Variants in MTSS2 observed in about 807,000 individuals in gnomAD.
The protein encoded by MTSS2 is protein MTSS 2.
In MTSS2, 27 loss-of-function variants were observed where a neutral mutation model predicts 67.1. The ratio of observed to expected loss-of-function variants is 0.40; its 90% CI spans 0.30 to 0.55. The LOEUF is 0.55. MTSS2 is among the 20% of genes least tolerant of loss of function. The probability of loss-of-function intolerance (pLI) is 0.43; values close to 1 mark genes in which losing one functional copy is unlikely to be tolerated. For missense variants in MTSS2, 1,171 were observed against 1,067.8 expected, an observed-to-expected ratio of 1.10 and a Z score of -1.35; for synonymous variants, 624 against 468.6, an observed-to-expected ratio of 1.33 and a Z score of -4.28.
chr16:70,665,033 G>T lies in MTSS2; in HGVS notation c.1192C>A (p.Arg398=). The T allele has an allele frequency of 6.3e-7, 1 of 1,597,178 alleles. No homozygotes were observed. Among genetic ancestry groups the T allele is most frequent in the Non-Finnish European group, 8.5e-7 (1 of 1,179,480 alleles). Residue 398 remains arginine (R), a synonymous_variant, in exon 13 of 15, where the codon CGA becomes AGA. Coordinates refer to ENST00000338779, the MANE Select transcript of MTSS2 (RefSeq NM_138383.3). The stretch of plus-strand genomic sequence containing the variant: ...TCTGTGTCTCGCAGGAGCTCCACTC[G>T]GTCCTTCCTCCGCTGCAGAGTGGCG... The part of the protein sequence containing the change: ...SGATLQRRKD[R]VELLRDTEPG...
chr16:70,672,341 CAAAAAAA>C lies in MTSS2; in HGVS notation c.1053+1958_1053+1964del, dbSNP rs11297993. 2.3e-4 allele frequency among the ~76,000 whole-genome samples: 19 copies of C among 80,872 alleles called. No homozygotes were observed. The South Asian group carries it at 7.3e-3, about 31-fold the overall frequency. 53.1% of individuals were successfully genotyped at this position (80,872 alleles called of 152,430 possible). A position where few individuals can be genotyped will look rare whatever the true frequency, so the allele number is the denominator to read the frequency against. On this transcript the variant is annotated intron_variant, in intron 11 of 14. Coordinates refer to ENST00000338779, the MANE Select transcript of MTSS2 (RefSeq NM_138383.3). The stretch of plus-strand genomic sequence containing the variant: ...CAGCCTGGGTGATAAGAGCAAAATT[CAAAAAAA>C]AAAAAAAAAAAAAAGGAAAAGAGAA...
In MTSS2 at chr16:70,663,633, A is replaced by C. The variant is rs2151902667; in HGVS notation, c.*44T>G. 3 of 1,508,158 alleles carry C rather than the reference A, an allele frequency of 2.0e-6. No homozygotes were observed. The highest frequency in any genetic ancestry group is 1.3e-5 in the South Asian group (1 of 75,454). The allele number at this position is 1,508,158 out of a possible 1,614,324, so 93.4% of individuals were successfully genotyped here. ...GTGCCTGCGGCTCACAGACCAGGCC[A>C]CCTGCTCGCACTGGGGCCTGAGAGG... On this transcript the variant is annotated 3_prime_UTR_variant, in exon 15 of 15. Transcript: ENST00000338779.
chr16:70,668,405 C>A (rs1214154716), intron 11 of MTSS2, among the ~76,000 whole-genome samples: 61 of 141,020 alleles, frequency 4.3e-4, no homozygotes, highest in African/African-American at 4.9e-4. Context: ...GAGACTGTAT[C>A]AAAAAAAAAA....
At chr16:70,666,616 C>A (rs1284416539) in intron 11 of MTSS2, among the ~76,000 whole-genome samples, 2 of 152,176 alleles carry the variant, frequency 1.3e-5, no homozygotes, top group African/African-American at 4.8e-5. Context: ...AGATTTCCTG[C>A]AGATTCGAAT....
At position 70,663,807 on chromosome 16, in the gene MTSS2, T is replaced by C. The variant is rs2052583421; in HGVS notation, c.2114A>G (p.Glu705Gly). ...GGCTGGGGGTGGGGTGGGCGTCTCC[T>C]CCGTGGGGGTGGCCGACAGAGCAGT... ...FPTALSATPT[E>G]ETPTPPPAAT... Residue 705 changes from glutamate (E) to glycine (G), a missense_variant, in exon 15 of 15, where the codon GAG (glutamate) becomes GGG (glycine). Glu to Gly is a moderately conservative substitution (Grantham distance 98). Coordinates refer to ENST00000338779, the MANE Select transcript of MTSS2 (RefSeq NM_138383.3). 6.8e-7 allele frequency: 1 copy of C among 1,465,806 alleles called. No homozygotes were observed. Among genetic ancestry groups the C allele is most frequent in the Non-Finnish European group, 9.1e-7 (1 of 1,099,304 alleles). 90.8% of individuals were successfully genotyped at this position (1,465,806 alleles called of 1,614,324 possible). A position where few individuals can be genotyped will look rare whatever the true frequency, so the allele number is the denominator to read the frequency against.
At position 70,664,642 on chromosome 16, in the gene MTSS2, T is replaced by C. The variant is rs1173462537; in HGVS notation, c.1427A>G (p.Gln476Arg). Residue 476 changes from glutamine (Q) to arginine (R), a missense_variant, in exon 14 of 15, where the codon CAG (glutamine) becomes CGG (arginine). By Grantham distance (43) the Gln-to-Arg change is conservative. Transcript: ENST00000338779. ...CTCAGAGCAGGAGGGCGTGGTGGTCTGCGTGCTGTAGCCGCTGGAGTACTG... is the reference window on the plus strand; with the variant it reads ...CTCAGAGCAGGAGGGCGTGGTGGTCCGCGTGCTGTAGCCGCTGGAGTACTG... ...SLQYSSGYST[Q>R]TTTPSCSEDT... 6.2e-7 allele frequency: 1 copy of C among 1,613,220 alleles called. No individual in the cohort carries two copies. Among genetic ancestry groups the C allele is most frequent in the African/African-American group, 1.3e-5 (1 of 74,924 alleles).
chr16:70,681,396 A>G (rs998643032), intron 1 of MTSS2, among the ~76,000 whole-genome samples: 1 of 152,212 alleles, frequency 6.6e-6, no homozygotes, highest in African/African-American at 2.4e-5. Context: ...GAGCCCAATG[A>G]GAGGCATCGT....
At chr16:70,672,996 A>G (rs1230677411) in intron 11 of MTSS2, among the ~76,000 whole-genome samples, 1 of 152,102 alleles carries the variant, frequency 6.6e-6, no homozygotes, top group African/African-American at 2.4e-5. Flanking sequence ...TGTTGTCTCT[A>G]CTAAAAATAC....
chr16:70,682,019 G>C (rs2053318689), intron 1 of MTSS2, among the ~76,000 whole-genome samples: 1 of 152,188 alleles, frequency 6.6e-6, no homozygotes, highest in African/African-American at 2.4e-5. Flanking sequence ...GGAATGCGGA[G>C]ACCCTGGCCC....
In MTSS2 at chr16:70,664,161, C is replaced by T. The variant is rs771585796; in HGVS notation, c.1760G>A (p.Arg587Gln). 16 of 1,606,750 alleles carry T rather than the reference C, an allele frequency of 1.0e-5. No individual in the cohort carries two copies. Among genetic ancestry groups the T allele is most frequent in the African/African-American group, 2.7e-5 (2 of 74,900 alleles). ...ALSSAGPIPI[R>Q]PPIVPVKTPT... ...CGTCTTCACAGGGACGATGGGCGGC[C>T]GGATGGGGATGGGGCCAGCGCTGGA... Residue 587 changes from arginine (R) to glutamine (Q), a missense_variant, in exon 15 of 15, where the codon CGG becomes CAG. Transcript: ENST00000338779.
Position 70,679,624 on chromosome 16 carries a change from C to A in MTSS2, c.457+6G>T, listed in dbSNP as rs1233814216. ...GCTGTGGCTGGGGGGCCGCGCCAGG[C>A]ACTACCTTTGCGCGCCTTCTTCTGC... On this transcript the variant is annotated splice_donor_region_variant and intron_variant, in intron 6 of 14. Transcript: ENST00000338779. 1.3e-6 allele frequency: 2 copies of A among 1,598,548 alleles called. No homozygotes were observed. Among genetic ancestry groups the A allele is most frequent in the African/African-American group, 1.3e-5 (1 of 74,838 alleles).
intron 11 of MTSS2, among the ~76,000 whole-genome samples, chr16:70,668,129 C>G (rs2052790319): frequency 6.6e-6 from 1 of 151,948 alleles, no homozygotes; most frequent in Admixed American, 6.6e-5. Flanking sequence ...TCTATAAAGT[C>G]TGGCTGGGTG....
intron 11 of MTSS2, among the ~76,000 whole-genome samples, chr16:70,673,083 C>A (rs1225338731): frequency 2.0e-5 from 3 of 151,930 alleles, no homozygotes; most frequent in Non-Finnish European, 4.4e-5. Context: ...ATCGCTTGAG[C>A]CTGGGAGGAG....
At position 70,664,249 on chromosome 16, in the gene MTSS2, G is replaced by C. The variant is rs759881135; in HGVS notation, c.1672C>G (p.Pro558Ala). ...PTATGLPSGA[P>A]PGVATIRRTP... ...CGGCGGATGGTGGCCACGCCGGGGG[G>C]TGCGCCCGAGGGCAGGCCAGTGGCC... Residue 558 changes from proline (P) to alanine (A), a missense_variant, in exon 15 of 15, where the codon CCC becomes GCC. Pro to Ala is a conservative substitution (Grantham distance 27, BLOSUM62 -1). Around this residue, in one of 2 missense-constraint regions of MTSS2, gnomAD observed 924 missense variants for 756.0 expected, o/e 1.22. Transcript: ENST00000338779. The C allele has an allele frequency of 1.3e-6, 2 of 1,562,736 alleles. No homozygotes were observed. The highest frequency in any genetic ancestry group is 1.8e-5 in the Admixed American group (1 of 54,428).
intron 4 of MTSS2, 44 bp from the exon 5 acceptor site, chr16:70,679,921 CG>C: frequency 6.6e-7 from 1 of 1,523,624 alleles, no homozygotes; most frequent in Non-Finnish European, 8.8e-7. Context: ...CGGGCTCCCC[CG>C]CGACGCCCCG....
chr16:70,676,745 G>A, intron 10 of MTSS2, 136 bp downstream of exon 10: 1 of 710,116 alleles, frequency 1.4e-6, no homozygotes, highest in African/African-American at 1.8e-5. Flanking sequence ...CTCTACATAT[G>A]CAAATTCCTC....
Position 70,665,548 on chromosome 16 carries a change from G to A in MTSS2, c.1054-8C>T, listed in dbSNP as rs1254794366. On this transcript the variant is annotated splice_region_variant and splice_polypyrimidine_tract_variant and intron_variant, in intron 11 of 14. Coordinates refer to ENST00000338779, the MANE Select transcript of MTSS2 (RefSeq NM_138383.3). Reference sequence around the variant, plus strand: ...TGCAGAGCTGGAGGACTTCTGCCATGCAGAGGCCAGCAGGCGGTTGCAGAC... The same window carrying A: ...TGCAGAGCTGGAGGACTTCTGCCATACAGAGGCCAGCAGGCGGTTGCAGAC... 2 of 1,545,480 alleles carry A rather than the reference G, an allele frequency of 1.3e-6. No individual in the cohort carries two copies. Among genetic ancestry groups the A allele is most frequent in the African/African-American group, 1.4e-5 (1 of 73,026 alleles).
At chr16:70,675,668 G>A (rs140105975) in intron 10 of MTSS2, among the ~76,000 whole-genome samples, 217 of 152,228 alleles carry the variant, frequency 1.4e-3, no homozygotes, top group Admixed American at 2.6e-3. Context: ...CGCCTGCCTC[G>A]GCCTCCCGAA....
At position 70,662,292 on chromosome 16, in the gene MTSS2, C is replaced by T. The variant is rs1375959851; in HGVS notation, c.*1385G>A. On this transcript the variant is annotated 3_prime_UTR_variant, in exon 15 of 15. Transcript: ENST00000338779. Reference sequence around the variant, plus strand: ...CTCTGAGCCCTGCTTTCCCTCCTGACCTGCGGGGCCACCAGGACTCCCTCC... The same window carrying T: ...CTCTGAGCCCTGCTTTCCCTCCTGATCTGCGGGGCCACCAGGACTCCCTCC... 3 of 152,342 alleles carry T rather than the reference C, an allele frequency of 2.0e-5. No individual in the cohort carries two copies. The highest frequency in any genetic ancestry group is 4.4e-5 in the Non-Finnish European group (3 of 68,166). The allele number at this position is 152,342 out of a possible 1,614,324, so 9.4% of individuals were successfully genotyped here.
Sources: allele counts gnomAD v4.1 joint callset (sites outside exome capture counted in the v4.1 genomes callset), GRCh38; gene constraint gnomAD v4.1.1; regional missense constraint gnomAD v4.1.1; transcripts MANE v1.5; gene names NCBI Gene and HGNC (gene_info 2026-07-23, HGNC 2026-07-21).